PDE3A: variants seen among roughly 807,000 people sequenced by gnomAD.
The protein encoded by PDE3A is phosphodiesterase 3A, also known as cGMP-inhibited 3',5'-cyclic phosphodiesterase 3A.
A neutral mutation model predicts 98.3 loss-of-function variants in PDE3A; 43 were observed. The ratio of observed to expected loss-of-function variants is 0.44; its 90% CI spans 0.34 to 0.56. The LOEUF (loss-of-function observed/expected upper bound fraction) is 0.56, where lower values mean the gene tolerates loss of function less well. Ranked by LOEUF, PDE3A falls within the 20% of genes least tolerant of loss-of-function variation. PDE3A has a pLI of 0.01. For synonymous variants in PDE3A, 663 were observed against 567.9 expected (o/e 1.17, Z -2.38); for missense variants, 1,427 against 1,440.7 (o/e 0.99, Z 0.15).
chr12:20,481,545 C>G (rs1945625759), intron 1 of PDE3A, among the ~76,000 whole-genome samples: 1 of 152,002 alleles, frequency 6.6e-6, no homozygotes, highest in African/African-American at 2.4e-5. Flanking sequence ...AACTGGGGTA[C>G]TATAGGACCT....
chr12:20,636,560 G>T (rs1364990808), intron 8 of PDE3A, among the ~76,000 whole-genome samples: 1 of 151,916 alleles, frequency 6.6e-6, no homozygotes, highest in African/African-American at 2.4e-5. Context: ...TAAAAAATAT[G>T]GCAATTGTTA....
intron 15 of PDE3A, among the ~76,000 whole-genome samples, chr12:20,674,216 G>A (rs1011256785): frequency 3.3e-5 from 5 of 151,996 alleles, no homozygotes; most frequent in Admixed American, 2.6e-4. Flanking sequence ...AGAGTTTTTT[G>A]ATGGAGTCTA....
intron 3 of PDE3A, among the ~76,000 whole-genome samples, chr12:20,615,027 T>C (rs1477324388): frequency 7.2e-6 from 1 of 138,788 alleles, no homozygotes; most frequent in African/African-American, 2.7e-5. Flanking sequence ...TTTTTTTTTT[T>C]TTTTTTTTTT....
At chr12:20,586,322 T>C (rs1170467703) in intron 2 of PDE3A, among the ~76,000 whole-genome samples, 2 of 152,196 alleles carry the variant, frequency 1.3e-5, no homozygotes, top group Non-Finnish European at 2.9e-5. Context: ...ACTTTCAAAT[T>C]ATACAGCACT....
At chr12:20,424,660 T>C (rs563043102) in intron 1 of PDE3A, among the ~76,000 whole-genome samples, 1 of 152,322 alleles carries the variant, frequency 6.6e-6, no homozygotes, top group African/African-American at 2.4e-5. Flanking sequence ...CTGCTAGGCA[T>C]ACGTGTCAGA....
chr12:20,551,661 C>T (rs1436727605), intron 1 of PDE3A: 5 of 1,601,142 alleles, frequency 3.1e-6, no homozygotes, highest in Non-Finnish European at 4.3e-6. Context: ...ACATCTACTG[C>T]CTGGACCCGC....
At chr12:20,512,375 T>C (rs1361505134) in intron 1 of PDE3A, among the ~76,000 whole-genome samples, 1 of 152,096 alleles carries the variant, frequency 6.6e-6, no homozygotes, top group Non-Finnish European at 1.5e-5. Context: ...TTATACACTC[T>C]TTAATTATTT....
At chr12:20,639,093 G>T (rs956161170) in intron 9 of PDE3A, among the ~76,000 whole-genome samples, 16 of 152,012 alleles carry the variant, frequency 1.1e-4, no homozygotes, top group African/African-American at 3.6e-4. Flanking sequence ...TAGAAAAGTG[G>T]TTATGATAGC....
chr12:20,650,611 A>G lies in PDE3A; in HGVS notation c.2925+11A>G. On this transcript the variant is annotated intron_variant, in intron 14 of 15. Coordinates refer to ENST00000359062, the MANE Select transcript of PDE3A (RefSeq NM_000921.5). ...GAATTTTATGAACAGGTAACTGACC[A>G]CTGTTTAATACAGCTTAATCTGTAC... 9 of 1,577,638 alleles carry G rather than the reference A, an allele frequency of 5.7e-6. No individual in the cohort carries two copies. Among genetic ancestry groups the G allele is most frequent in the Non-Finnish European group, 7.0e-6 (8 of 1,148,792 alleles).
At chr12:20,472,630 G>GA (rs1457062983) in intron 1 of PDE3A, among the ~76,000 whole-genome samples, 1 of 151,556 alleles carries the variant, frequency 6.6e-6, no homozygotes, top group Non-Finnish European at 1.5e-5. Flanking sequence ...CTATTTCTCA[G>GA]AAAAAAACAG....
chr12:20,545,717 T>C (rs1246602716), intron 1 of PDE3A, among the ~76,000 whole-genome samples: 3 of 146,444 alleles, frequency 2.0e-5, no homozygotes, highest in Admixed American at 1.4e-4. Flanking sequence ...GCCAGTATGC[T>C]GAAAAAGACA....
At chr12:20,443,026 CAG>C (rs1221338042) in intron 1 of PDE3A, among the ~76,000 whole-genome samples, 1 of 151,728 alleles carries the variant, frequency 6.6e-6, no homozygotes, top group Admixed American at 6.6e-5. Flanking sequence ...TGGTAGTGAA[CAG>C]AGTTTGAATG....
At chr12:20,432,205 G>C (rs1944709962) in intron 1 of PDE3A, among the ~76,000 whole-genome samples, 1 of 152,072 alleles carries the variant, frequency 6.6e-6, no homozygotes, top group Admixed American at 6.6e-5. Flanking sequence ...TTTCAATGAT[G>C]GAAAAGCAAA....
intron 1 of PDE3A, among the ~76,000 whole-genome samples, chr12:20,451,584 G>T (rs1050684217): frequency 2.0e-5 from 3 of 152,162 alleles, no homozygotes; most frequent in African/African-American, 7.2e-5. Flanking sequence ...TGGGATTACA[G>T]GCATAAGCAA....
In PDE3A at chr12:20,648,718, G is replaced by A; in HGVS notation, c.2596G>A (p.Glu866Lys). The change falls in exon 13 of 16, where the codon GAG becomes AAG. Residue 866 changes from glutamate to lysine, a missense_variant. Physicochemically the swap from Glu to Lys is moderately conservative, Grantham distance 56. Coordinates refer to ENST00000359062, the MANE Select transcript of PDE3A (RefSeq NM_000921.5). ...GCTATATAACGATCGTTCAGTTTTG[G>A]AGAATCATCACGCAGCTGCTGCATG... ...AVLYNDRSVL[E>K]NHHAAAAWNL... 1 of 1,613,064 alleles carries A rather than the reference G, an allele frequency of 6.2e-7. No individual in the cohort carries two copies. Among genetic ancestry groups the A allele is most frequent in the Non-Finnish European group, 8.5e-7 (1 of 1,179,076 alleles).
chr12:20,636,318 T>A (rs570701844), intron 8 of PDE3A, among the ~76,000 whole-genome samples: 1 of 152,198 alleles, frequency 6.6e-6, no homozygotes, highest in Non-Finnish European at 1.5e-5. Context: ...TGATCATCAA[T>A]GGCTGCTATT....
intron 1 of PDE3A, among the ~76,000 whole-genome samples, chr12:20,555,419 G>A (rs920892480): frequency 2.0e-5 from 3 of 152,042 alleles, no homozygotes; most frequent in African/African-American, 7.2e-5. Flanking sequence ...AATTAACATC[G>A]ATCGTCTCTC....
At chr12:20,623,605 C>T (rs1050409931) in intron 5 of PDE3A, among the ~76,000 whole-genome samples, 9 of 151,492 alleles carry the variant, frequency 5.9e-5, no homozygotes, top group Admixed American at 1.3e-4. Context: ...CTTTACCACC[C>T]GCCAAATCTT....
chr12:20,638,807 A>C (rs956299584), intron 9 of PDE3A, among the ~76,000 whole-genome samples: 1 of 151,846 alleles, frequency 6.6e-6, no homozygotes, highest in Non-Finnish European at 1.5e-5. Flanking sequence ...TATTTGATGT[A>C]TATCTCACAG....
Sources: allele counts gnomAD v4.1 joint callset (sites outside exome capture counted in the v4.1 genomes callset), GRCh38; gene constraint gnomAD v4.1.1; transcripts MANE v1.5; gene names NCBI Gene and HGNC (gene_info 2026-07-23, HGNC 2026-07-21).